ST8SIA1: variants seen among roughly 807,000 people sequenced by gnomAD.
ST8SIA1 encodes the protein ST8 alpha-N-acetyl-neuraminide alpha-2,8-sialyltransferase 1, also known as alpha-N-acetylneuraminide alpha-2,8-sialyltransferase.
ST8SIA1 carries 16 observed loss-of-function variants against 35.9 expected under a neutral mutation model. The observed-to-expected ratio is 0.45, with a 90% CI of 0.30 to 0.68. The LOEUF (loss-of-function observed/expected upper bound fraction) is 0.68, where lower values mean the gene tolerates loss of function less well. Among genes scored for constraint, ST8SIA1 ranks in the 30% least tolerant of loss-of-function variants. ST8SIA1 has a pLI of 0.09. For missense variants in ST8SIA1, 383 were observed against 453.6 expected (o/e 0.84, Z 1.41); for synonymous variants, 170 against 169.6 (o/e 1.00, Z -0.02).
chr12:22,333,806 A>T (rs1318311685), intron 1 of ST8SIA1, 191 bp downstream of exon 1: 1 of 766,224 alleles, frequency 1.3e-6, no homozygotes. Context: ...TCTGGGGATC[A>T]GGGGTGGGGA....
At chr12:22,269,895 A>G (rs990460290) in intron 2 of ST8SIA1, among the ~76,000 whole-genome samples, 1 of 152,204 alleles carries the variant, frequency 6.6e-6, no homozygotes, top group African/African-American at 2.4e-5. Flanking sequence ...ATTCTTTAAG[A>G]TAAATCCTTA....
At chr12:22,229,983 T>C (rs1865399686) in intron 4 of ST8SIA1, among the ~76,000 whole-genome samples, 2 of 152,200 alleles carry the variant, frequency 1.3e-5, no homozygotes, top group Admixed American at 1.3e-4. Context: ...ATATCAAGAA[T>C]GCAGAAACAT....
intron 1 of ST8SIA1, among the ~76,000 whole-genome samples, chr12:22,292,976 G>C (rs1238577955): frequency 3.9e-5 from 6 of 152,208 alleles, no homozygotes; most frequent in African/African-American, 1.4e-4. Context: ...AGAAAGCAGA[G>C]AATTGCAATG....
At chr12:22,204,699 G>A (rs1390810763) in intron 4 of ST8SIA1, among the ~76,000 whole-genome samples, 1 of 152,050 alleles carries the variant, frequency 6.6e-6, no homozygotes, top group Non-Finnish European at 1.5e-5. Context: ...ACTTTGAAAA[G>A]GAACACACAG....
chr12:22,259,094 CCTT>C (rs1865758233), intron 2 of ST8SIA1, among the ~76,000 whole-genome samples: 1 of 152,128 alleles, frequency 6.6e-6, no homozygotes, highest in Admixed American at 6.5e-5. Flanking sequence ...TTTCTTTCCT[CCTT>C]CTAGCAGAGT....
chr12:22,310,876 T>C (rs951159323), intron 1 of ST8SIA1, among the ~76,000 whole-genome samples: 1 of 152,184 alleles, frequency 6.6e-6, no homozygotes, highest in Non-Finnish European at 1.5e-5. Context: ...ACACGCATTA[T>C]AGCCCCTGTA....
In ST8SIA1 at chr12:22,259,408, A is replaced by G. The variant is rs73270044; in HGVS notation, c.382-4019T>C. Among the ~76,000 whole-genome samples the G allele has an allele frequency of 4.5e-3, 679 of 152,292 alleles. 8 individuals are homozygous for G. Among genetic ancestry groups the G allele is most frequent in the African/African-American group, 0.015 (641 of 41,546 alleles). On this transcript the variant is annotated intron_variant, in intron 2 of 4. Coordinates refer to ENST00000396037, the MANE Select transcript of ST8SIA1 (RefSeq NM_003034.4). ...GGCACTTATAATACGTCAATGAACA[A>G]TAACAGCACACCAAAGCTTTACAGA...
chr12:22,303,239 A>G (rs1435029756), intron 1 of ST8SIA1, among the ~76,000 whole-genome samples: 2 of 152,072 alleles, frequency 1.3e-5, no homozygotes, highest in Non-Finnish European at 2.9e-5. Flanking sequence ...AATTTGCTGA[A>G]GCCTGAAAGA....
rs534562199 is a variant in ST8SIA1, at chr12:22,193,626, C to T, written c.*7926G>A. ...TAGATACTAATTTTTCTAATCACAC[C>T]GTAGAAAGTACCAATTAAAGTTTTC... On this transcript the variant is annotated 3_prime_UTR_variant, in exon 5 of 5. Transcript: ENST00000396037. The T allele has an allele frequency of 6.6e-6, 1 of 152,216 alleles. No individual in the cohort carries two copies. The highest frequency in any genetic ancestry group is 2.4e-5 in the African/African-American group (1 of 41,540). The allele number at this position is 152,216 out of a possible 1,614,324, so 9.4% of individuals were successfully genotyped here.
At chr12:22,239,840 T>C (rs1865520187) in intron 4 of ST8SIA1, among the ~76,000 whole-genome samples, 1 of 152,220 alleles carries the variant, frequency 6.6e-6, no homozygotes, top group Non-Finnish European at 1.5e-5. Context: ...AATAGGCTCC[T>C]TCTCAGGACT....
intron 1 of ST8SIA1, among the ~76,000 whole-genome samples, chr12:22,316,018 T>G (rs1866515181): frequency 6.6e-6 from 1 of 151,694 alleles, no homozygotes; most frequent in Non-Finnish European, 1.5e-5. Context: ...AAGATAGAAT[T>G]CTAAAAAAAC....
At chr12:22,236,705 T>C (rs1865479488) in intron 4 of ST8SIA1, among the ~76,000 whole-genome samples, 1 of 152,212 alleles carries the variant, frequency 6.6e-6, no homozygotes, top group African/African-American at 2.4e-5. Flanking sequence ...CTTGGGCTAT[T>C]CAAATATTTA....
Position 22,243,134 on chromosome 12 carries a change from C to A in ST8SIA1, c.584+5872G>T, listed in dbSNP as rs1865559289. 1.3e-5 allele frequency among the ~76,000 whole-genome samples: 2 copies of A among 152,028 alleles called. 1 individual carries two copies. The highest frequency in any genetic ancestry group is 4.1e-4 in the South Asian group (2 of 4,822). On this transcript the variant is annotated intron_variant, in intron 4 of 4. Transcript: ENST00000396037. Reference sequence around the variant, plus strand: ...TATGTATGCTTAATTTTTCTAAAACCTGTTTTATCTTGTTACTGATATTTT... The same window carrying A: ...TATGTATGCTTAATTTTTCTAAAACATGTTTTATCTTGTTACTGATATTTT...
At position 22,297,036 on chromosome 12, in the gene ST8SIA1, C is replaced by T. The variant is rs544207212; in HGVS notation, c.237-9743G>A. Among the ~76,000 whole-genome samples the T allele has an allele frequency of 2.6e-5, 4 of 152,172 alleles. No homozygotes were observed. The South Asian group carries it at 6.2e-4, about 24-fold the overall frequency. ...GATGTCTTTATCCAATCATGGCCCA[C>T]GGTGCTCCTGAATAGCACTGGGGAG... On this transcript the variant is annotated intron_variant, in intron 1 of 4. Coordinates refer to ENST00000396037, the MANE Select transcript of ST8SIA1 (RefSeq NM_003034.4).
At chr12:22,254,028 A>G (rs1437073944) in intron 3 of ST8SIA1, among the ~76,000 whole-genome samples, 1 of 152,064 alleles carries the variant, frequency 6.6e-6, no homozygotes, top group Non-Finnish European at 1.5e-5. Context: ...TTACTCGTTT[A>G]TACTTAAAAA....
At chr12:22,293,655 A>G (rs1169893484) in intron 1 of ST8SIA1, among the ~76,000 whole-genome samples, 3 of 152,244 alleles carry the variant, frequency 2.0e-5, no homozygotes, top group Non-Finnish European at 2.9e-5. Context: ...AGCACATTAT[A>G]TAGCCTCAGT....
intron 1 of ST8SIA1, among the ~76,000 whole-genome samples, chr12:22,305,845 T>C (rs1034907089): frequency 1.8e-4 from 27 of 152,224 alleles, no homozygotes; most frequent in Non-Finnish European, 2.9e-5. Flanking sequence ...GACATTAATA[T>C]TGGTTTAATG....
At chr12:22,321,455 G>T (rs1412114814) in intron 1 of ST8SIA1, among the ~76,000 whole-genome samples, 1 of 152,242 alleles carries the variant, frequency 6.6e-6, no homozygotes, top group African/African-American at 2.4e-5. Context: ...GCTCCTAGAG[G>T]AGGGTGGAGT....
At chr12:22,240,179 C>T (rs1456841461) in intron 4 of ST8SIA1, among the ~76,000 whole-genome samples, 23 of 151,852 alleles carry the variant, frequency 1.5e-4, no homozygotes, top group Admixed American at 1.5e-3. Context: ...CTCAACAGTC[C>T]CCAAGGTAAA....
Sources: gnomAD v4.1 joint callset for allele counts (sites outside exome capture counted in the v4.1 genomes callset) on GRCh38, gnomAD v4.1.1 for gene constraint, MANE v1.5 for transcripts, NCBI Gene and HGNC (gene_info 2026-07-23, HGNC 2026-07-21) for gene names.